CLEC16A: variants seen among roughly 807,000 people sequenced by gnomAD.
The protein encoded by CLEC16A is protein CLEC16A.
Under a neutral mutation model 109.5 loss-of-function variants are expected in CLEC16A, and 51 were observed. That is an observed-to-expected ratio of 0.47 (90% CI 0.37 to 0.59). CLEC16A has a LOEUF of 0.59. Ranked by LOEUF, CLEC16A falls within the 20% of genes least tolerant of loss-of-function variation. CLEC16A has a pLI of 0.00. For synonymous variants in CLEC16A, 673 were observed against 564.2 expected (o/e 1.19, Z -2.73); for missense variants, 1,339 against 1,394.0 (o/e 0.96, Z 0.63).
At chr16:11,029,274 G>T (rs2046603604) in intron 13 of CLEC16A, among the ~76,000 whole-genome samples, 1 of 152,130 alleles carries the variant, frequency 6.6e-6, no homozygotes, top group South Asian at 2.1e-4. Flanking sequence ...CCCCCCCAGT[G>T]TGAGCTCCAG....
chr16:10,945,219 C>A (rs371867169), intron 1 of CLEC16A, among the ~76,000 whole-genome samples: 1 of 152,148 alleles, frequency 6.6e-6, no homozygotes, highest in Non-Finnish European at 1.5e-5. Context: ...CCTCAGGTTC[C>A]CCACTTGTAA....
chr16:11,138,209 C>G (rs1414826183), intron 22 of CLEC16A, among the ~76,000 whole-genome samples: 1 of 152,240 alleles, frequency 6.6e-6, no homozygotes, highest in African/African-American at 2.4e-5. Context: ...CAAATAAACA[C>G]TGCACAGGGC....
intron 22 of CLEC16A, among the ~76,000 whole-genome samples, chr16:11,160,328 G>C (rs753494710): frequency 1.3e-5 from 2 of 152,146 alleles, no homozygotes; most frequent in Admixed American, 1.3e-4. Context: ...AGTCTCTCTC[G>C]GGCCTCGCTC....
At chr16:10,944,895 GA>G in intron 1 of CLEC16A, 98 bp downstream of exon 1, 1 of 1,211,062 alleles carries the variant, frequency 8.3e-7, no homozygotes, top group Non-Finnish European at 1.2e-6. Flanking sequence ...GAGCGGCGGC[GA>G]AGGGCGCCCG....
At chr16:11,029,202 C>G (rs2046597365) in intron 13 of CLEC16A, among the ~76,000 whole-genome samples, 1 of 152,168 alleles carries the variant, frequency 6.6e-6, no homozygotes, top group Admixed American at 6.5e-5. Flanking sequence ...CGCCCTATTA[C>G]TGAGACATTA....
intron 13 of CLEC16A, among the ~76,000 whole-genome samples, chr16:11,031,107 C>T (rs546948276): frequency 6.6e-6 from 1 of 152,256 alleles, no homozygotes; most frequent in South Asian, 2.1e-4. Flanking sequence ...ACTGCTAGGC[C>T]TTGGAAGGCA....
chr16:10,960,896 G>A (rs770804423), intron 2 of CLEC16A, among the ~76,000 whole-genome samples: 1 of 152,080 alleles, frequency 6.6e-6, no homozygotes, highest in Non-Finnish European at 1.5e-5. Context: ...GTATCCCCTC[G>A]ATATGCTCTC....
rs374090733 is a variant in CLEC16A at position 11,023,395 on chromosome 16, C to G, written c.1437-1426C>G. ...AGCTGATTTACAAGAAAATGTTATC[C>G]TACTCCTAAGTCTGGAAGTGTTATT... On this transcript the variant is annotated intron_variant, in intron 12 of 23. Transcript: ENST00000409790. 3.9e-5 allele frequency among the ~76,000 whole-genome samples: 6 copies of G among 152,246 alleles called. No homozygotes were observed. The East Asian group carries it at 1.2e-3, about 29-fold the overall frequency.
At chr16:10,951,504 A>T (rs35919309) in intron 1 of CLEC16A, among the ~76,000 whole-genome samples, 2 of 152,010 alleles carry the variant, frequency 1.3e-5, no homozygotes, top group Non-Finnish European at 2.9e-5. Flanking sequence ...GGTTGTAATC[A>T]TGGGGTCTGG....
chr16:11,100,223 C>T (rs3862469), intron 19 of CLEC16A, among the ~76,000 whole-genome samples: 52,792 of 152,010 alleles, frequency 0.35, 9,389 homozygotes, highest in African/African-American at 0.41. Flanking sequence ...CTGCGGGGGA[C>T]TCAGCAATTT....
chr16:11,126,618 T>A (rs554394186), intron 22 of CLEC16A: 1 of 280,172 alleles, frequency 3.6e-6, no homozygotes, highest in Non-Finnish European at 6.7e-6. Flanking sequence ...CCTCCCACTT[T>A]TGCCACAGCT....
At position 11,040,172 on chromosome 16, in the gene CLEC16A, C is replaced by T. The variant is rs1442688933; in HGVS notation, c.1660+296C>T. 4 of 361,084 alleles carry T rather than the reference C, an allele frequency of 1.1e-5. No individual in the cohort carries two copies. The South Asian group carries it at 1.5e-4, about 14-fold the overall frequency. 22.4% of individuals were successfully genotyped at this position (361,084 alleles called of 1,614,324 possible). On this transcript the variant is annotated intron_variant, in intron 14 of 23. Coordinates refer to ENST00000409790, the MANE Select transcript of CLEC16A (RefSeq NM_015226.3). ...ATTGTCAATGTTTTCGCCCCCACCC[C>T]GCTATGTCTGGGTGGCCCAAGGTAA...
intron 11 of CLEC16A, among the ~76,000 whole-genome samples, chr16:11,019,237 T>G (rs978337362): frequency 2.6e-5 from 4 of 152,196 alleles, no homozygotes; most frequent in Non-Finnish European, 4.4e-5. Flanking sequence ...AGAACTCTGA[T>G]GGGGACACCA....
rs775677205 is a variant in CLEC16A at position 11,174,472 on chromosome 16, A to T, written c.2807-3863A>T. Among the ~76,000 whole-genome samples, 1 of 152,192 alleles carries T rather than the reference A, an allele frequency of 6.6e-6. No individual in the cohort carries two copies. The highest frequency in any genetic ancestry group is 1.5e-5 in the Non-Finnish European group (1 of 68,036). ...CTGTCTGGCCTCACCTCATGTGAAG[A>T]CCAGATCCCCGGCCCTTGACCTTCG... is the stretch of plus-strand genomic sequence containing the variant. On this transcript the variant is annotated intron_variant, in intron 23 of 23. Coordinates refer to ENST00000409790, the MANE Select transcript of CLEC16A (RefSeq NM_015226.3). This position sits in a 1 kb window ranked among gnomAD's most constrained non-coding sequence, Gnocchi z 4.7.
intron 11 of CLEC16A, among the ~76,000 whole-genome samples, chr16:11,003,710 T>C (rs1292729443): frequency 1.3e-5 from 2 of 152,232 alleles, no homozygotes; most frequent in Non-Finnish European, 2.9e-5. Flanking sequence ...GTCATTATTA[T>C]GACAGTAGGA....
At chr16:10,958,436 G>T (rs2042094807) in intron 2 of CLEC16A, among the ~76,000 whole-genome samples, 1 of 152,244 alleles carries the variant, frequency 6.6e-6, no homozygotes, top group East Asian at 1.9e-4. Flanking sequence ...ATCAGTGAGG[G>T]GTCCCGCAAC....
chr16:11,014,209 C>T (rs1489673112), intron 11 of CLEC16A, among the ~76,000 whole-genome samples: 4 of 152,158 alleles, frequency 2.6e-5, no homozygotes, highest in African/African-American at 7.2e-5. Flanking sequence ...TCCTTTCTTA[C>T]ATACAGGGTA....
rs750789625 is a variant in CLEC16A at position 11,038,900 on chromosome 16, G to A, written c.1538-854G>A. Among the ~76,000 whole-genome samples the A allele has an allele frequency of 5.5e-4, 83 of 152,146 alleles. 2 individuals are homozygous for A. The highest frequency in any genetic ancestry group is 2.1e-4 in the Non-Finnish European group (14 of 68,018). ...AATGTCACCCTCAGGGGCAGGCGTG[G>A]CCTCTGCCTCACCTGGCTCACAACT... On this transcript the variant is annotated intron_variant, in intron 13 of 23. Transcript: ENST00000409790.
chr16:11,092,299 A>C (rs765228011), intron 19 of CLEC16A, among the ~76,000 whole-genome samples: 1 of 151,962 alleles, frequency 6.6e-6, no homozygotes, highest in African/African-American at 2.4e-5. Flanking sequence ...AGCCAAGATC[A>C]CACCACTGCA....
Sources: gnomAD v4.1 joint callset for allele counts (sites outside exome capture counted in the v4.1 genomes callset) on GRCh38, gnomAD v4.1.1 for gene constraint, Gnocchi (gnomAD v3.1) non-coding constraint, MANE v1.5 for transcripts, NCBI Gene and HGNC (gene_info 2026-07-23, HGNC 2026-07-21) for gene names.